The following MLXIP variants were observed in gnomAD, a reference collection of about 807,000 sequenced individuals.
MLXIP encodes the protein MLX interacting protein.
In MLXIP, 30 loss-of-function variants were observed where a neutral mutation model predicts 87.2. That is an observed-to-expected ratio of 0.34 (90% confidence interval 0.26 to 0.47). The LOEUF (loss-of-function observed/expected upper bound fraction) is 0.47, where lower values mean the gene tolerates loss of function less well. MLXIP is among the 20% of genes least tolerant of loss of function. The probability of loss-of-function intolerance (pLI) is 1.00; values close to 1 mark genes in which losing one functional copy is unlikely to be tolerated. For missense variants in MLXIP, 1,002 were observed against 1,240.1 expected (o/e 0.81, Z 2.88); for synonymous variants, 530 against 514.0 (o/e 1.03, Z -0.42).
chr12:122,127,834 C>T (rs1287886548), intron 2 of MLXIP, 49 bp from the exon 3 acceptor site: 5 of 1,522,828 alleles, frequency 3.3e-6, no homozygotes, highest in Non-Finnish European at 4.6e-6. Flanking sequence ...GCTGGGGCTC[C>T]CTCAGGGGTC....
intron 1 of MLXIP, among the ~76,000 whole-genome samples, chr12:122,109,454 G>T (rs1460254337): frequency 6.6e-6 from 1 of 152,248 alleles, no homozygotes; most frequent in African/African-American, 2.4e-5. Flanking sequence ...TCCACACTGG[G>T]ATTACAGGTG....
At chr12:122,130,470 A>G (rs762455188) in intron 6 of MLXIP, among the ~76,000 whole-genome samples, 11 of 151,364 alleles carry the variant, frequency 7.3e-5, no homozygotes, top group Non-Finnish European at 1.0e-4. Context: ...TGCTAAAGAA[A>G]ATCAGAAGCA....
chr12:122,091,773 G>GTGGA (rs1952248854), intron 1 of MLXIP, among the ~76,000 whole-genome samples: 2 of 152,208 alleles, frequency 1.3e-5, no homozygotes, highest in Non-Finnish European at 2.9e-5. Flanking sequence ...GTAGGGAGTA[G>GTGGA]TGGAGACTGT....
In MLXIP at chr12:122,142,288, G is replaced by A. The variant is rs1273934486; in HGVS notation, c.*476G>A. ...TCTCTGGTCTGCCCGTGGGGCAGTT[G>A]GAAGGCGTCTTTCTTTCTCCCCTCA... is the stretch of plus-strand genomic sequence containing the variant. On this transcript the variant is annotated 3_prime_UTR_variant, in exon 17 of 17. Transcript: ENST00000319080. The A allele has an allele frequency of 2.9e-6, 2 of 688,824 alleles. No homozygotes were observed. Among genetic ancestry groups the A allele is most frequent in the African/African-American group, 1.8e-5 (1 of 56,996 alleles). The allele number at this position is 688,824 out of a possible 1,614,324, so 42.7% of individuals were successfully genotyped here. A position where few individuals can be genotyped will look rare whatever the true frequency, so the allele number is the denominator to read the frequency against.
intron 5 of MLXIP, 79 bp downstream of exon 5, chr12:122,129,708 T>C: frequency 1.3e-6 from 2 of 1,553,494 alleles, no homozygotes; most frequent in Middle Eastern, 1.7e-4. Context: ...CAGGGAGCCC[T>C]GCAAAAGGCG....
intron 16 of MLXIP, among the ~76,000 whole-genome samples, chr12:122,141,328 G>A (rs1953199252): frequency 6.6e-6 from 1 of 152,214 alleles, no homozygotes; most frequent in Non-Finnish European, 1.5e-5. Context: ...CTATTTGCCA[G>A]GCCCTGTATC....
intron 16 of MLXIP, 182 bp downstream of exon 16, chr12:122,141,265 C>T (rs1953198377): frequency 2.5e-6 from 1 of 405,302 alleles, no homozygotes; most frequent in Admixed American, 6.4e-5. Flanking sequence ...AGGCTCCTGC[C>T]CTTTTGTGTC....
In MLXIP at chr12:122,143,643, G is replaced by A. The variant is rs1158408002; in HGVS notation, c.*1831G>A. 1 of 152,322 alleles carries A rather than the reference G, an allele frequency of 6.6e-6. No homozygotes were observed. 9.4% of individuals were successfully genotyped at this position (152,322 alleles called of 1,614,324 possible). On this transcript the variant is annotated 3_prime_UTR_variant, in exon 17 of 17. Transcript: ENST00000319080. ...TGTCTGGCTGTGCGGGCCCTGGGGA[G>A]GGTCGTGAGTGCAGCCCCTCTCTAC...
rs1474520054 is a variant in MLXIP at position 122,080,499 on chromosome 12, A to AC, written c.413+1239dup. On this transcript the variant is annotated intron_variant, in intron 1 of 16. Transcript: ENST00000319080. ...TATTAGATACTTAGCCCTGGATGGC[A>AC]CCCCCCTCACCGCCGCGGTCCCTGG... is the stretch of plus-strand genomic sequence containing the variant. Among the ~76,000 whole-genome samples the AC allele has an allele frequency of 3.9e-5, 6 of 152,090 alleles. No individual in the cohort carries two copies. The South Asian group carries it at 6.2e-4, about 16-fold the overall frequency.
At position 122,133,927 on chromosome 12, in the gene MLXIP, G is replaced by A. The variant is rs1953032916; in HGVS notation, c.1672G>A (p.Val558Met). The change falls in exon 9 of 17, where the codon GTG (valine) becomes ATG (methionine). Residue 558 changes from valine to methionine, a missense_variant. By Grantham distance (21) the Val-to-Met change is conservative. Coordinates refer to ENST00000319080, the MANE Select transcript of MLXIP (RefSeq NM_014938.6). This position sits in a 1 kb window ranked among gnomAD's most constrained non-coding sequence, Gnocchi z 4.9. Reference sequence around the variant, plus strand: ...CAGGCCTAAGCAGCCCCACAAAATAGTGCCTGCTCCCAAACCAGAGCCCGT... The same window carrying A: ...CAGGCCTAAGCAGCCCCACAAAATAATGCCTGCTCCCAAACCAGAGCCCGT... ...GGRPKQPHKI[V>M]PAPKPEPVSL... 2 of 1,608,430 alleles carry A rather than the reference G, an allele frequency of 1.2e-6. No individual in the cohort carries two copies. The highest frequency in any genetic ancestry group is 1.7e-6 in the Non-Finnish European group (2 of 1,177,768).
chr12:122,103,840 G>GT (rs377424471), intron 1 of MLXIP, among the ~76,000 whole-genome samples: 4,294 of 142,748 alleles, frequency 0.03, 180 homozygotes, highest in African/African-American at 0.082. Flanking sequence ...AATTTTGTTT[G>GT]TTTTTTTTTT....
At chr12:122,106,026 G>C (rs1952514678) in intron 1 of MLXIP, among the ~76,000 whole-genome samples, 1 of 152,214 alleles carries the variant, frequency 6.6e-6, no homozygotes, top group African/African-American at 2.4e-5. Context: ...TTTGCCTGTT[G>C]CCCAGGCCAG....
intron 1 of MLXIP, among the ~76,000 whole-genome samples, chr12:122,101,343 T>C (rs1952432851): frequency 6.8e-6 from 1 of 148,012 alleles, no homozygotes; most frequent in East Asian, 1.9e-4. Flanking sequence ...TTTTTTTTCT[T>C]TTTTTTTTTC....
chr12:122,079,840 G>A (rs1952065974), intron 1 of MLXIP, among the ~76,000 whole-genome samples: 1 of 152,246 alleles, frequency 6.6e-6, no homozygotes, highest in Non-Finnish European at 1.5e-5. Flanking sequence ...CCTGGAGGCT[G>A]GCCCCCTTAC....
chr12:122,116,053 A>AACACACACACACACACACACACACACAC (rs138548664), intron 1 of MLXIP, among the ~76,000 whole-genome samples: 31 of 147,336 alleles, frequency 2.1e-4, no homozygotes, highest in Middle Eastern at 3.4e-3. Context: ...TCCATCTGAA[A>AACACACACACACACACACACACACACAC]ACACACACAC....
In MLXIP at chr12:122,119,342, T is replaced by A. The variant is rs192437565; in HGVS notation, c.414-7914T>A. 5.5e-3 allele frequency among the ~76,000 whole-genome samples: 834 copies of A among 152,334 alleles called. 6 individuals carry two copies. Among genetic ancestry groups the A allele is most frequent in the African/African-American group, 0.02 (811 of 41,574 alleles). ...GTTACCACATAGAAATGTGTTATTT[T>A]AAAAATTACCCCGTAGTGTTCCACT... On this transcript the variant is annotated intron_variant, in intron 1 of 16. Transcript: ENST00000319080.
intron 1 of MLXIP, among the ~76,000 whole-genome samples, chr12:122,122,177 G>A (rs766566179): frequency 6.6e-6 from 1 of 152,226 alleles, no homozygotes; most frequent in Non-Finnish European, 1.5e-5. Flanking sequence ...CTGCTTTAAA[G>A]AAGGAATGGA....
At chr12:122,105,564 C>T (rs529547883) in intron 1 of MLXIP, among the ~76,000 whole-genome samples, 4 of 152,076 alleles carry the variant, frequency 2.6e-5, no homozygotes, top group South Asian at 2.1e-4. Flanking sequence ...CTAGAACTCC[C>T]GACCTCAGGT....
intron 1 of MLXIP, among the ~76,000 whole-genome samples, chr12:122,116,902 T>A (rs950063375): frequency 2.6e-5 from 4 of 152,212 alleles, no homozygotes; most frequent in Non-Finnish European, 5.9e-5. Context: ...AGAAGTGGTC[T>A]AGACATGGTG....
Sources: allele counts gnomAD v4.1 joint callset (sites outside exome capture counted in the v4.1 genomes callset), GRCh38; gene constraint gnomAD v4.1.1; non-coding constraint Gnocchi (gnomAD v3.1); transcripts MANE v1.5; gene names NCBI Gene and HGNC (gene_info 2026-07-23, HGNC 2026-07-21).